The following DAG1 variants were observed in gnomAD, a reference collection of about 807,000 sequenced individuals.
DAG1 encodes dystroglycan 1 (dystrophin-associated glycoprotein 1).
A neutral mutation model predicts 46.1 loss-of-function variants in DAG1; 8 were observed. The ratio of observed to expected loss-of-function variants is 0.17; its 90% CI spans 0.10 to 0.31. The LOEUF (loss-of-function observed/expected upper bound fraction) is 0.31. Ranked by LOEUF, DAG1 falls within the 10% of genes least tolerant of loss-of-function variation. DAG1 has a pLI of 1.00. For synonymous variants in DAG1, 495 were observed against 481.8 expected (o/e 1.03, Z -0.36); for missense variants, 1,003 against 1,189.9 (o/e 0.84, Z 2.31).
intron 1 of DAG1, among the ~76,000 whole-genome samples, chr3:49,504,052 A>G (rs528170466): frequency 6.6e-6 from 1 of 152,274 alleles, no homozygotes; most frequent in East Asian, 1.9e-4. Context: ...CACAGGCAGG[A>G]TATTGGAAAT....
chr3:49,511,376 A>C (rs2050758381), intron 2 of DAG1, among the ~76,000 whole-genome samples: 2 of 152,176 alleles, frequency 1.3e-5, no homozygotes, highest in African/African-American at 4.8e-5. Context: ...TGGTTGACCC[A>C]GGATAGAAAT....
At chr3:49,527,208 A>G (rs1454463167) in intron 2 of DAG1, among the ~76,000 whole-genome samples, 5 of 145,974 alleles carry the variant, frequency 3.4e-5, no homozygotes, top group East Asian at 2.1e-4. Context: ...TGGCTAACAC[A>G]GTGAAACCCC....
intron 1 of DAG1, among the ~76,000 whole-genome samples, chr3:49,496,169 A>G (rs559782663): frequency 2.9e-4 from 44 of 152,086 alleles, no homozygotes; most frequent in Non-Finnish European, 4.0e-4. Context: ...CAAAATATAC[A>G]TAACATAAAG....
chr3:49,527,291 A>G (rs1318477878), intron 2 of DAG1, among the ~76,000 whole-genome samples: 1 of 150,756 alleles, frequency 6.6e-6, no homozygotes, highest in Non-Finnish European at 1.5e-5. Flanking sequence ...TTGGGAGGCC[A>G]AGGCGGGCGG....
intron 1 of DAG1, among the ~76,000 whole-genome samples, chr3:49,497,385 C>T (rs139654731): frequency 1.6e-3 from 240 of 147,646 alleles, no homozygotes; most frequent in Non-Finnish European, 2.9e-3. Context: ...TGCAGTGAGC[C>T]GAGATTGTGC....
At chr3:49,524,005 C>A (rs2051104465) in intron 2 of DAG1, among the ~76,000 whole-genome samples, 2 of 152,194 alleles carry the variant, frequency 1.3e-5, no homozygotes, top group South Asian at 4.1e-4. Flanking sequence ...TGAGAAGGAA[C>A]TTTCATATCC....
intron 1 of DAG1, among the ~76,000 whole-genome samples, chr3:49,478,829 T>C (rs1212082642): frequency 9.6e-6 from 1 of 103,686 alleles, no homozygotes; most frequent in Non-Finnish European, 1.9e-5. Context: ...TTTTTTTTTT[T>C]TGGATACAGA....
Position 49,531,486 on chromosome 3 carries a change from G to A in DAG1, c.975G>A (p.Gly325=), listed in dbSNP as rs1273603902. The change falls in exon 3 of 3, where the codon GGG becomes GGA. Residue 325 remains glycine, a synonymous_variant. Transcript: ENST00000308775. This position sits in a 1 kb window ranked among gnomAD's most constrained non-coding sequence, Gnocchi z 7.0. The part of the protein sequence containing the change: ...HATPTPVTAI[G]PPTTAIQEPP... ...CACCCACACCTGTCACTGCCATTGG[G>A]CCCCCAACCACGGCTATCCAGGAGC... The A allele has an allele frequency of 1.2e-6, 2 of 1,613,426 alleles. No homozygotes were observed. The highest frequency in any genetic ancestry group is 1.3e-5 in the African/African-American group (1 of 74,780).
intron 1 of DAG1, among the ~76,000 whole-genome samples, chr3:49,504,971 C>CTTCTTT (rs1553647316): frequency 7.2e-6 from 1 of 139,156 alleles, no homozygotes; most frequent in Non-Finnish European, 1.6e-5. Flanking sequence ...CAGTCTTCTT[C>CTTCTTT]TTTTTTTTTT....
intron 1 of DAG1, among the ~76,000 whole-genome samples, chr3:49,500,168 A>G (rs2050409455): frequency 6.6e-6 from 1 of 151,868 alleles, no homozygotes; most frequent in Non-Finnish European, 1.5e-5. Context: ...GTCCGCCACC[A>G]TGCCCGACTA....
At chr3:49,505,110 T>G (rs74471041) in intron 1 of DAG1, among the ~76,000 whole-genome samples, 36,036 of 151,620 alleles carry the variant, frequency 0.24, 4,585 homozygotes, top group Middle Eastern at 0.29. Context: ...TCCTCCCACA[T>G]AGCTGAGGCC....
intron 1 of DAG1, among the ~76,000 whole-genome samples, chr3:49,501,550 AC>A (rs1489674288): frequency 6.6e-6 from 1 of 152,108 alleles, no homozygotes; most frequent in Non-Finnish European, 1.5e-5. Flanking sequence ...GGTGGCTCAT[AC>A]CTGTAATCCC....
At chr3:49,498,222 G>C (rs975643088) in intron 1 of DAG1, among the ~76,000 whole-genome samples, 16 of 152,120 alleles carry the variant, frequency 1.1e-4, no homozygotes, top group African/African-American at 3.6e-4. Context: ...CACATTGCCT[G>C]CAGTTTAGGT....
intron 2 of DAG1, among the ~76,000 whole-genome samples, chr3:49,528,224 C>T (rs550104193): frequency 1.4e-4 from 20 of 144,024 alleles, no homozygotes; most frequent in South Asian, 8.8e-4. Flanking sequence ...TATAAATGAA[C>T]TGAAAAATGT....
At chr3:49,480,596 A>G (rs1365173543) in intron 1 of DAG1, among the ~76,000 whole-genome samples, 3 of 144,672 alleles carry the variant, frequency 2.1e-5, no homozygotes, top group Non-Finnish European at 4.8e-5. Flanking sequence ...TCCGGCGCAT[A>G]TAACATTTCT....
In DAG1 at chr3:49,532,102, A is replaced by G. The variant is rs756384539; in HGVS notation, c.1591A>G (p.Thr531Ala). The G allele has an allele frequency of 3.7e-6, 6 of 1,614,176 alleles. No homozygotes were observed. In the Admixed American group the frequency reaches 6.7e-5, roughly 18 times the overall value. Residue 531 changes from threonine (T) to alanine (A), a missense_variant, in exon 3 of 3, where the codon ACT becomes GCT. Coordinates refer to ENST00000308775, the MANE Select transcript of DAG1 (RefSeq NM_004393.6). The surrounding 1 kb of genome is among the most constrained non-coding windows in gnomAD (Gnocchi z 5.4). ...DTFYDHEDTT[T>A]DKLKLTLKLR... is the part of the protein sequence containing the mutation. ...TTTCTATGACCATGAGGACACCACC[A>G]CTGACAAGCTGAAGCTGACCCTGAA...
intron 2 of DAG1, among the ~76,000 whole-genome samples, chr3:49,514,834 T>TGTAC (rs2050855123): frequency 6.6e-6 from 1 of 150,458 alleles, no homozygotes; most frequent in African/African-American, 2.5e-5. Context: ...TGTGTGTGTG[T>TGTAC]GTACACATAC....
intron 1 of DAG1, among the ~76,000 whole-genome samples, chr3:49,487,070 A>G (rs139417760): frequency 6.6e-6 from 1 of 152,050 alleles, no homozygotes; most frequent in East Asian, 1.9e-4. Context: ...TATTTTTAGT[A>G]GTAATGGGGT....
chr3:49,502,502 G>GCCTT (rs2050479697), intron 1 of DAG1, among the ~76,000 whole-genome samples: 1 of 152,160 alleles, frequency 6.6e-6, no homozygotes, highest in Non-Finnish European at 1.5e-5. Flanking sequence ...TGAGCCACCT[G>GCCTT]GTCCCATGGG....
Sources: allele counts gnomAD v4.1 joint callset (sites outside exome capture counted in the v4.1 genomes callset), GRCh38; gene constraint gnomAD v4.1.1; non-coding constraint Gnocchi (gnomAD v3.1); transcripts MANE v1.5; gene names NCBI Gene and HGNC (gene_info 2026-07-23, HGNC 2026-07-21).